ROBO1: variants seen among roughly 807,000 people sequenced by gnomAD.
The protein encoded by ROBO1 is roundabout homolog 1.
ROBO1 carries 149 observed loss-of-function variants against 195.9 expected under a neutral mutation model. The ratio of observed to expected loss-of-function variants is 0.76; its 90% CI spans 0.67 to 0.87. The LOEUF (loss-of-function observed/expected upper bound fraction) is 0.87, where lower values mean the gene tolerates loss of function less well. Ranked by LOEUF, ROBO1 falls within the 40% of genes least tolerant of loss-of-function variation. ROBO1 has a pLI of 0.00. For synonymous variants in ROBO1, 816 were observed against 733.2 expected (o/e 1.11, Z -1.82); for missense variants, 1,933 against 2,068.3 (o/e 0.93, Z 1.27).
chr3:78,711,419 CTTTCTTT>C (rs2081730442), intron 8 of ROBO1, among the ~76,000 whole-genome samples: 1 of 96,316 alleles, frequency 1.0e-5, no homozygotes, highest in Admixed American at 1.2e-4. Context: ...TTCTTTCTTT[CTTTCTTT>C]CTTTCTTTCT....
intron 2 of ROBO1, among the ~76,000 whole-genome samples, chr3:79,553,709 T>C (rs565472673): frequency 6.6e-6 from 1 of 152,212 alleles, no homozygotes; most frequent in South Asian, 2.1e-4. Context: ...CCATAAAATT[T>C]TAAAGTAATG....
chr3:79,376,024 T>C (rs962704764), intron 2 of ROBO1, among the ~76,000 whole-genome samples: 1 of 152,212 alleles, frequency 6.6e-6, no homozygotes, highest in African/African-American at 2.4e-5. Flanking sequence ...AGTCAGTATC[T>C]ACATTGTACA....
chr3:79,159,620 A>G (rs919598316), intron 2 of ROBO1, among the ~76,000 whole-genome samples: 1 of 152,012 alleles, frequency 6.6e-6, no homozygotes, highest in African/African-American at 2.4e-5. Flanking sequence ...TGAGTCTCCA[A>G]TTGTCAACTT....
At chr3:79,719,375 T>C (rs1415428294) in intron 1 of ROBO1, among the ~76,000 whole-genome samples, 1 of 152,098 alleles carries the variant, frequency 6.6e-6, no homozygotes, top group African/African-American at 2.4e-5. Context: ...TTATTAAATC[T>C]CTCTGAACCA....
At chr3:79,529,294 T>C (rs1478461933) in intron 2 of ROBO1, among the ~76,000 whole-genome samples, 2 of 152,038 alleles carry the variant, frequency 1.3e-5, no homozygotes, top group South Asian at 2.1e-4. Context: ...CTAGCCTAGG[T>C]AGCATGGCAA....
chr3:79,299,590 T>C (rs1026171727), intron 2 of ROBO1, among the ~76,000 whole-genome samples: 4 of 152,176 alleles, frequency 2.6e-5, no homozygotes, highest in East Asian at 1.9e-4. Context: ...AAAGATATTA[T>C]ATAAAGTGTT....
At chr3:79,098,166 C>T (rs148729931) in intron 3 of ROBO1, among the ~76,000 whole-genome samples, 151 of 151,858 alleles carry the variant, frequency 9.9e-4, no homozygotes, top group African/African-American at 3.5e-3. Context: ...GAGGAATGAC[C>T]CATATGTCTG....
chr3:78,865,838 C>G (rs959637665), intron 4 of ROBO1, among the ~76,000 whole-genome samples: 1 of 152,116 alleles, frequency 6.6e-6, no homozygotes, highest in Non-Finnish European at 1.5e-5. Flanking sequence ...ACATTTACAG[C>G]TCATTAGAGT....
intron 1 of ROBO1, among the ~76,000 whole-genome samples, chr3:79,662,728 G>T (rs1039618315): frequency 3.9e-5 from 6 of 151,926 alleles, no homozygotes; most frequent in Admixed American, 3.9e-4. Flanking sequence ...ATCATCATTT[G>T]CTCAACTTGT....
chr3:79,415,744 G>C (rs2037974073), intron 2 of ROBO1, among the ~76,000 whole-genome samples: 1 of 152,080 alleles, frequency 6.6e-6, no homozygotes, highest in Non-Finnish European at 1.5e-5. Flanking sequence ...AAGACCATCT[G>C]ATTATTTAGG....
intron 1 of ROBO1, among the ~76,000 whole-genome samples, chr3:79,622,385 G>A (rs1010530576): frequency 1.3e-5 from 2 of 152,214 alleles, no homozygotes; most frequent in Non-Finnish European, 2.9e-5. Context: ...CTCCTTGGGG[G>A]AGGGGTAGCA....
intron 4 of ROBO1, among the ~76,000 whole-genome samples, chr3:78,799,695 CTG>C (rs2084305931): frequency 6.6e-6 from 1 of 152,008 alleles, no homozygotes; most frequent in Non-Finnish European, 1.5e-5. Flanking sequence ...TATCTGGGTC[CTG>C]GTCTTCCTTT....
intron 2 of ROBO1, among the ~76,000 whole-genome samples, chr3:79,242,464 T>C (rs1482256676): frequency 7.2e-5 from 11 of 152,118 alleles, no homozygotes. Flanking sequence ...ATAAATAGCA[T>C]ATGTTCTTTG....
intron 30 of ROBO1, 64 bp downstream of exon 30, chr3:78,600,049 G>T (rs1025098801): frequency 1.5e-6 from 2 of 1,292,118 alleles, no homozygotes; most frequent in Non-Finnish European, 2.2e-6. Flanking sequence ...ACTGATGAAG[G>T]TTCCTAACTA....
At chr3:79,541,913 G>A (rs1942086475) in intron 2 of ROBO1, among the ~76,000 whole-genome samples, 1 of 151,018 alleles carries the variant, frequency 6.6e-6, no homozygotes. Context: ...TTTGCATCAT[G>A]TAAGATCATT....
At chr3:79,113,146 A>T (rs1158217763) in intron 3 of ROBO1, among the ~76,000 whole-genome samples, 2 of 152,158 alleles carry the variant, frequency 1.3e-5, no homozygotes, top group African/African-American at 4.8e-5. Flanking sequence ...GCTTCTTTAA[A>T]GAAAGCCCAT....
At chr3:79,060,963 C>A (rs2078905748) in intron 3 of ROBO1, among the ~76,000 whole-genome samples, 1 of 152,148 alleles carries the variant, frequency 6.6e-6, no homozygotes, top group Middle Eastern at 3.2e-3. Context: ...CCTCTCTCAC[C>A]ACTCCTATTC....
At chr3:79,582,212 T>C (rs983525347) in intron 2 of ROBO1, among the ~76,000 whole-genome samples, 4 of 151,724 alleles carry the variant, frequency 2.6e-5, no homozygotes, top group African/African-American at 9.7e-5. Flanking sequence ...CTATGATATT[T>C]ATATTCTGTT....
intron 2 of ROBO1, among the ~76,000 whole-genome samples, chr3:79,438,374 A>G (rs2038953309): frequency 6.6e-6 from 1 of 151,982 alleles, no homozygotes; most frequent in African/African-American, 2.4e-5. Context: ...AGTCATAACA[A>G]TACAAATCTT....
Sources: allele counts gnomAD v4.1 joint callset (sites outside exome capture counted in the v4.1 genomes callset), GRCh38; gene constraint gnomAD v4.1.1; transcripts MANE v1.5; gene names NCBI Gene and HGNC (gene_info 2026-07-23, HGNC 2026-07-21).